PRR16: variants seen among roughly 807,000 people sequenced by gnomAD.
PRR16 encodes the protein protein Largen.
A neutral mutation model predicts 18.2 loss-of-function variants in PRR16; 6 were observed. The ratio of observed to expected loss-of-function variants is 0.33; its 90% CI spans 0.18 to 0.65. The LOEUF (loss-of-function observed/expected upper bound fraction) is 0.65, where lower values mean the gene tolerates loss of function less well. Among genes scored for constraint, PRR16 ranks in the 30% least tolerant of loss-of-function variants. The probability of loss-of-function intolerance (pLI) is 0.74; values close to 1 mark genes in which losing one functional copy is unlikely to be tolerated. For synonymous variants in PRR16, 151 were observed against 147.8 expected (o/e 1.02, Z -0.16); for missense variants, 412 against 376.6 (o/e 1.09, Z -0.78).
chr5:120,606,090 G>A (rs1754145503), intron 1 of PRR16, among the ~76,000 whole-genome samples: 1 of 152,200 alleles, frequency 6.6e-6, no homozygotes, highest in Admixed American at 6.5e-5. Context: ...GCATGTGCAT[G>A]CTGCATGATG....
At chr5:120,590,256 C>G (rs919051158) in intron 1 of PRR16, among the ~76,000 whole-genome samples, 5 of 152,124 alleles carry the variant, frequency 3.3e-5, no homozygotes, top group African/African-American at 1.2e-4. Flanking sequence ...TTTCATTCAT[C>G]TCTTTCTTCT....
At chr5:120,769,276 T>G in the PRR16 span, among the ~76,000 whole-genome samples, 1 of 151,846 alleles carries the variant, frequency 6.6e-6, no homozygotes, top group African/African-American at 2.4e-5. Context: ...GCAAACACTA[T>G]GATACCATCA....
chr5:120,781,390 T>C, the PRR16 span: 1 of 152,014 alleles, frequency 6.6e-6, no homozygotes, highest in Non-Finnish European at 1.5e-5. Context: ...TTGATGAAAA[T>C]GGGAATGCTT....
chr5:120,478,043 C>G (rs907886501), intron 1 of PRR16, among the ~76,000 whole-genome samples: 1 of 152,054 alleles, frequency 6.6e-6, no homozygotes, highest in Admixed American at 6.6e-5. Flanking sequence ...TTATTATTTC[C>G]TGCCTCCAGC....
At chr5:120,744,240 G>A in the PRR16 span, among the ~76,000 whole-genome samples, 1 of 152,068 alleles carries the variant, frequency 6.6e-6, no homozygotes, top group Non-Finnish European at 1.5e-5. Context: ...GCGCTGGCAG[G>A]GTAGGTTTTG....
chr5:120,746,867 T>A, the PRR16 span, among the ~76,000 whole-genome samples: 1 of 152,306 alleles, frequency 6.6e-6, no homozygotes, highest in South Asian at 2.1e-4. Context: ...TTATGTTCTC[T>A]TCATCGGGAG....
chr5:120,470,515 C>A (rs970728180), intron 1 of PRR16, among the ~76,000 whole-genome samples: 1 of 152,046 alleles, frequency 6.6e-6, no homozygotes, highest in Non-Finnish European at 1.5e-5. Context: ...TTTCTACTTT[C>A]TTGAATGATA....
chr5:120,556,772 A>G (rs559652775), intron 1 of PRR16, among the ~76,000 whole-genome samples: 1 of 152,004 alleles, frequency 6.6e-6, no homozygotes, highest in East Asian at 1.9e-4. Flanking sequence ...AACTGGCTAG[A>G]TTTCTGCCCT....
chr5:120,675,513 C>T (rs1457324127), intron 1 of PRR16, among the ~76,000 whole-genome samples: 3 of 152,140 alleles, frequency 2.0e-5, no homozygotes, highest in Non-Finnish European at 4.4e-5. Flanking sequence ...TGAAATCCTT[C>T]TGGGACTTCA....
intron 1 of PRR16, among the ~76,000 whole-genome samples, chr5:120,512,387 G>A (rs1750857160): frequency 6.6e-6 from 1 of 152,146 alleles, no homozygotes; most frequent in Admixed American, 6.5e-5. Context: ...TCTTGGAGAG[G>A]AGGTGGCAGT....
chr5:120,525,661 G>T (rs1270415327), intron 1 of PRR16, among the ~76,000 whole-genome samples: 15 of 118,210 alleles, frequency 1.3e-4, no homozygotes, highest in African/African-American at 3.5e-4. Context: ...GCTAGGTATT[G>T]TCAGGGACAT....
At position 120,516,484 on chromosome 5, in the gene PRR16, GACACAC is replaced by G. The variant is rs149936115; in HGVS notation, c.159+51864_159+51869del. Among the ~76,000 whole-genome samples, 27 of 136,496 alleles carry G rather than the reference GACACAC, an allele frequency of 2.0e-4. No individual in the cohort carries two copies. In the East Asian group the frequency reaches 2.1e-3, roughly 11 times the overall value. The allele number at this position is 136,496 out of a possible 152,430, so 89.5% of individuals were successfully genotyped here. On this transcript the variant is annotated intron_variant, in intron 1 of 1. Coordinates refer to ENST00000407149, the MANE Select transcript of PRR16 (RefSeq NM_001300783.2). ...GTGATATTATTTCTCAGGAGGGAAG[GACACAC>G]ACACACACACACACACACACACACG... is the stretch of plus-strand genomic sequence containing the variant.
the PRR16 span, among the ~76,000 whole-genome samples, chr5:120,704,934 CG>C: frequency 2.6e-5 from 4 of 151,992 alleles, no homozygotes; most frequent in South Asian, 2.1e-4. Flanking sequence ...AGCATTAAAA[CG>C]TTTTTTTAAT....
chr5:120,491,060 C>G lies in PRR16; in HGVS notation c.159+26415C>G, dbSNP rs927181590. Among the ~76,000 whole-genome samples, 126 of 152,142 alleles carry G rather than the reference C, an allele frequency of 8.3e-4. 2 individuals are homozygous for G. Among genetic ancestry groups the G allele is most frequent in the Non-Finnish European group, 2.4e-4 (16 of 68,032 alleles). ...CGGCCGTGTGAGGTATCAGTCTGCC[C>G]CTACTGGGGGGTGCCTCCCAGTTAG... is the stretch of plus-strand genomic sequence containing the variant. On this transcript the variant is annotated intron_variant, in intron 1 of 1. Coordinates refer to ENST00000407149, the MANE Select transcript of PRR16 (RefSeq NM_001300783.2).
the PRR16 span, among the ~76,000 whole-genome samples, chr5:120,778,510 A>G: frequency 1.3e-5 from 2 of 152,274 alleles, no homozygotes. Context: ...TGTTTTAAAA[A>G]AGGAAGTGGA....
chr5:120,508,812 A>G (rs1049658584), intron 1 of PRR16, among the ~76,000 whole-genome samples: 1 of 152,156 alleles, frequency 6.6e-6, no homozygotes, highest in Non-Finnish European at 1.5e-5. Flanking sequence ...TATATACTTT[A>G]TCAACCACTG....
chr5:120,733,106 T>C, the PRR16 span, among the ~76,000 whole-genome samples: 2 of 152,194 alleles, frequency 1.3e-5, no homozygotes, highest in East Asian at 1.9e-4. Context: ...AGTATTCTAG[T>C]ATTCTAATAA....
intron 1 of PRR16, among the ~76,000 whole-genome samples, chr5:120,652,258 A>G (rs1295342539): frequency 6.6e-6 from 1 of 152,072 alleles, no homozygotes; most frequent in African/African-American, 2.4e-5. Flanking sequence ...TTGATATTCT[A>G]CATGGACATC....
chr5:120,685,223 C>T (rs545499154), intron 1 of PRR16, among the ~76,000 whole-genome samples: 2 of 152,302 alleles, frequency 1.3e-5, no homozygotes, highest in Non-Finnish European at 2.9e-5. Flanking sequence ...CAGGGGCTCT[C>T]TTCCATCTCT....
Sources: gnomAD v4.1 joint callset for allele counts (sites outside exome capture counted in the v4.1 genomes callset) on GRCh38, gnomAD v4.1.1 for gene constraint, MANE v1.5 for transcripts, NCBI Gene and HGNC (gene_info 2026-07-23, HGNC 2026-07-21) for gene names.